The following ENPEP variants were observed in gnomAD, a reference collection of about 807,000 sequenced individuals.
ENPEP encodes AP-A.
ENPEP carries 103 observed loss-of-function variants against 114.5 expected under a neutral mutation model. The observed-to-expected ratio is 0.90, with a 90% CI of 0.77 to 1.06. The LOEUF (loss-of-function observed/expected upper bound fraction) is 1.06. ENPEP is among the 50% of genes least tolerant of loss of function. ENPEP has a pLI of 0.00. For synonymous variants in ENPEP, 420 were observed against 422.0 expected, an observed-to-expected ratio of 1.00 and a Z score of 0.06; for missense variants, 1,196 against 1,161.3, an observed-to-expected ratio of 1.03 and a Z score of -0.43.
At position 110,542,819 on chromosome 4, in the gene ENPEP, T is replaced by G. The variant is rs1223915165; in HGVS notation, c.1876T>G (p.Phe626Val). The G allele has an allele frequency of 1.9e-6, 3 of 1,613,116 alleles. No homozygotes were observed. The highest frequency in any genetic ancestry group is 2.5e-6 in the Non-Finnish European group (3 of 1,179,422). Residue 626 changes from phenylalanine (F) to valine (V), a missense_variant, in exon 12 of 20, where the codon TTT becomes GTT. By Grantham distance (50) the Phe-to-Val change is conservative. Transcript: ENST00000265162. ...CAAAATAAACCCAGATCATATTGGG[T>G]TTTATCGTGTAAATTATGAAGTAGC... ...FLKINPDHIGFYRVNYEVATW... is the reference protein window; with the variant it reads ...FLKINPDHIGVYRVNYEVATW...
intron 13 of ENPEP, among the ~76,000 whole-genome samples, chr4:110,544,929 T>C (rs1158686776): frequency 2.6e-5 from 4 of 152,106 alleles, no homozygotes; most frequent in East Asian, 3.9e-4. Flanking sequence ...ATTCAAAACA[T>C]ATGTAGGATC....
chr4:110,510,639 A>AAAATGTT (rs991295113), intron 6 of ENPEP, among the ~76,000 whole-genome samples: 1 of 152,122 alleles, frequency 6.6e-6, no homozygotes, highest in African/African-American at 2.4e-5. Flanking sequence ...GGTGGCATAG[A>AAAATGTT]AAATGTTAAC....
At chr4:110,554,276 A>G (rs572425469) in intron 18 of ENPEP, among the ~76,000 whole-genome samples, 1 of 152,072 alleles carries the variant, frequency 6.6e-6, no homozygotes, top group Non-Finnish European at 1.5e-5. Context: ...GCACTGTCTC[A>G]TTGATAATGA....
rs1159340477 is a variant in ENPEP at position 110,548,249 on chromosome 4, T to C, written c.2074T>C (p.Trp692Arg). Residue 692 changes from tryptophan (W) to arginine (R), a missense_variant, in exon 14 of 20, where the codon TGG (tryptophan) becomes CGG (arginine). Coordinates refer to ENST00000265162, the MANE Select transcript of ENPEP (RefSeq NM_001977.4). ...CAAAAGGGAAGAGAATTTTTTACCA[T>C]GGCAGAGAGTAATTTCAGCTGTAAC... The part of the protein sequence containing the change: ...YLKREENFLP[W>R]QRVISAVTYI... The C allele has an allele frequency of 1.0e-5, 16 of 1,592,656 alleles. No individual in the cohort carries two copies. The highest frequency in any genetic ancestry group is 1.7e-5 in the Admixed American group (1 of 57,744).
intron 13 of ENPEP, among the ~76,000 whole-genome samples, chr4:110,546,297 C>T (rs1156655706): frequency 6.6e-6 from 1 of 151,858 alleles, no homozygotes; most frequent in African/African-American, 2.4e-5. Flanking sequence ...AAAACAGACA[C>T]AGAAATAATT....
chr4:110,558,328 C>T (rs1316531321), intron 18 of ENPEP, among the ~76,000 whole-genome samples: 2 of 150,006 alleles, frequency 1.3e-5, no homozygotes, highest in Non-Finnish European at 3.0e-5. Context: ...CACTCTGTCA[C>T]CCAGGCTGGA....
At chr4:110,513,262 A>T in intron 6 of ENPEP, 153 bp from the exon 7 acceptor site, 1 of 710,050 alleles carries the variant, frequency 1.4e-6, no homozygotes, top group South Asian at 2.9e-5. Flanking sequence ...TAGCTCAATC[A>T]GTGCAAAGTA....
intron 3 of ENPEP, among the ~76,000 whole-genome samples, chr4:110,498,390 C>T (rs542034090): frequency 3.3e-5 from 5 of 152,040 alleles, no homozygotes; most frequent in East Asian, 1.9e-4. Context: ...GCTACTTCTG[C>T]GGGATGATCA....
At chr4:110,548,375 G>A (rs781630008) in intron 14 of ENPEP, 49 bp downstream of exon 14, 22 of 1,418,460 alleles carry the variant, frequency 1.6e-5, no homozygotes, top group Non-Finnish European at 2.0e-5. Flanking sequence ...TTAGCCATTA[G>A]TAGAATAGGA....
intron 18 of ENPEP, among the ~76,000 whole-genome samples, chr4:110,557,939 T>G (rs1199688564): frequency 1.3e-5 from 2 of 151,994 alleles, no homozygotes; most frequent in Non-Finnish European, 2.9e-5. Context: ...TTGTAAGGGT[T>G]CTTTATATGG....
At chr4:110,514,303 A>C (rs1725683211) in intron 7 of ENPEP, among the ~76,000 whole-genome samples, 1 of 152,090 alleles carries the variant, frequency 6.6e-6, no homozygotes, top group African/African-American at 2.4e-5. Context: ...TATTTGAGTC[A>C]AAAATATTAT....
At chr4:110,538,352 A>G (rs1206738810) in intron 11 of ENPEP, among the ~76,000 whole-genome samples, 3 of 152,244 alleles carry the variant, frequency 2.0e-5, no homozygotes, top group Non-Finnish European at 4.4e-5. Flanking sequence ...TTGAACTTTT[A>G]TGTTTGGAGA....
intron 11 of ENPEP, among the ~76,000 whole-genome samples, chr4:110,534,505 T>TTTC (rs1491382385): frequency 3.4e-3 from 7 of 2,038 alleles, no homozygotes; most frequent in African/African-American, 3.8e-3. Flanking sequence ...TCGTTGTTTC[T>TTTC]TTTTTTTTTT....
intron 10 of ENPEP, among the ~76,000 whole-genome samples, chr4:110,525,648 G>C (rs1219040580): frequency 7.5e-6 from 1 of 133,700 alleles, no homozygotes; most frequent in African/African-American, 2.5e-5. Context: ...ACAAAAAGAT[G>C]TTTTAGAAAG....
intron 10 of ENPEP, among the ~76,000 whole-genome samples, chr4:110,527,657 T>G (rs1726246981): frequency 6.6e-6 from 1 of 152,230 alleles, no homozygotes; most frequent in Non-Finnish European, 1.5e-5. Flanking sequence ...TGCTAACAAC[T>G]ATAAAGTGTT....
chr4:110,534,497 G>GTTCT lies in ENPEP; in HGVS notation c.1807+3222_1807+3223insCTTT, dbSNP rs1269048428. ...TAAGCTTCATATGTTCTCTCTTTTC[G>GTTCT]TTGTTTCTTTTTTTTTTTTTTTTTT... On this transcript the variant is annotated intron_variant, in intron 11 of 19. Transcript: ENST00000265162. Among the ~76,000 whole-genome samples the GTTCT allele has an allele frequency of 1.7e-3, 49 of 29,624 alleles. No homozygotes were observed. The South Asian group carries it at 0.036, about 22-fold the overall frequency. The allele number at this position is 29,624 out of a possible 152,430, so 19.4% of individuals were successfully genotyped here.
intron 2 of ENPEP, among the ~76,000 whole-genome samples, 192 bp from the exon 3 acceptor site, chr4:110,490,841 C>A (rs1724680283): frequency 6.6e-6 from 1 of 152,128 alleles, no homozygotes; most frequent in South Asian, 2.1e-4. Flanking sequence ...TTCAGTCAGT[C>A]TTTAACAGTT....
At chr4:110,553,489 T>C in intron 18 of ENPEP, 34 bp downstream of exon 18, 12 of 1,593,126 alleles carry the variant, frequency 7.5e-6, no homozygotes, top group Non-Finnish European at 1.0e-5. Flanking sequence ...GCTGTTTTCT[T>C]TGTTTCATAC....
intron 3 of ENPEP, among the ~76,000 whole-genome samples, chr4:110,505,244 T>G (rs1187427061): frequency 6.6e-6 from 1 of 152,036 alleles, no homozygotes; most frequent in Non-Finnish European, 1.5e-5. Flanking sequence ...GACAGGAGGG[T>G]AATCCAAACA....
Sources: gnomAD v4.1 joint callset for allele counts (sites outside exome capture counted in the v4.1 genomes callset) on GRCh38, gnomAD v4.1.1 for gene constraint, MANE v1.5 for transcripts, NCBI Gene and HGNC (gene_info 2026-07-23, HGNC 2026-07-21) for gene names.